TRPM2: variants seen among roughly 807,000 people sequenced by gnomAD.
TRPM2 encodes the protein estrogen-responsive element-associated gene 1 protein.
TRPM2 carries 161 observed loss-of-function variants against 174.0 expected under a neutral mutation model. That is an observed-to-expected ratio of 0.93 (90% CI 0.81 to 1.05). The LOEUF (loss-of-function observed/expected upper bound fraction) is 1.05. Ranked by LOEUF, TRPM2 falls within the 50% of genes least tolerant of loss-of-function variation. The probability of loss-of-function intolerance (pLI) is 0.00; values close to 1 mark genes in which losing one functional copy is unlikely to be tolerated. For missense variants in TRPM2, 2,057 were observed against 2,038.0 expected, an observed-to-expected ratio of 1.01 and a Z score of -0.18; for synonymous variants, 954 against 861.3, an observed-to-expected ratio of 1.11 and a Z score of -1.88.
intron 17 of TRPM2, 47 bp downstream of exon 17, chr21:44,405,307 C>T: frequency 6.2e-7 from 1 of 1,606,636 alleles, no homozygotes; most frequent in East Asian, 2.2e-5. Context: ...GCAGCCAGCC[C>T]TGCAGGGGAT....
chr21:44,426,561 C>A (rs781734256), intron 25 of TRPM2, 99 bp from the exon 26 acceptor site: 22 of 1,232,560 alleles, frequency 1.8e-5, no homozygotes, highest in Non-Finnish European at 2.6e-5. Flanking sequence ...ATGTTGGGGT[C>A]GGGTTCAGAC....
At chr21:44,365,779 C>T (rs1385031471) in intron 3 of TRPM2, among the ~76,000 whole-genome samples, 1 of 152,202 alleles carries the variant, frequency 6.6e-6, no homozygotes, top group African/African-American at 2.4e-5. Context: ...GACACAGACC[C>T]TGTACTGCAG....
chr21:44,405,689 C>T (rs1268994824), intron 17 of TRPM2, among the ~76,000 whole-genome samples: 2 of 152,172 alleles, frequency 1.3e-5, no homozygotes, highest in Non-Finnish European at 2.9e-5. Flanking sequence ...TGCCCCCATG[C>T]CAGGCTGCCC....
chr21:44,365,769 G>A (rs964340154), intron 3 of TRPM2, among the ~76,000 whole-genome samples: 1 of 152,170 alleles, frequency 6.6e-6, no homozygotes, highest in Admixed American at 6.5e-5. Flanking sequence ...GGACGCCAGG[G>A]ACACAGACCC....
chr21:44,440,970 G>A (rs904680621), intron 31 of TRPM2, 65 bp downstream of exon 31: 41 of 1,421,074 alleles, frequency 2.9e-5, no homozygotes, highest in African/African-American at 1.3e-4. Flanking sequence ...CGTGGCCTCC[G>A]GGGAGGGGGT....
rs1007145499 is a variant in TRPM2 at position 44,439,452 on chromosome 21, G to A, written c.4269+284G>A. Among the ~76,000 whole-genome samples, 3 of 151,992 alleles carry A rather than the reference G, an allele frequency of 2.0e-5. No homozygotes were observed. Among genetic ancestry groups the A allele is most frequent in the Admixed American group, 6.5e-5 (1 of 15,278 alleles). ...TGGGCTGAGGACCCTTGCTGCCTTC[G>A]AGTGTGACAGCTGCTTGGAGGCCTG... On this transcript the variant is annotated intron_variant, in intron 30 of 31. Coordinates refer to ENST00000397928, the MANE Select transcript of TRPM2 (RefSeq NM_003307.4). This position sits in a 1 kb window ranked among gnomAD's most constrained non-coding sequence, Gnocchi z 5.1.
intron 27 of TRPM2, among the ~76,000 whole-genome samples, chr21:44,428,115 C>T (rs1232808230): frequency 6.6e-6 from 1 of 152,122 alleles, no homozygotes; most frequent in Non-Finnish European, 1.5e-5. Context: ...CTGTATGCAC[C>T]ATGCTTCTGT....
chr21:44,362,348 C>CAAAAAAAACAAAAAAAAA (rs2048235286), intron 2 of TRPM2, among the ~76,000 whole-genome samples: 1 of 89,288 alleles, frequency 1.1e-5, no homozygotes, highest in African/African-American at 4.1e-5. Flanking sequence ...ACTAAAAATA[C>CAAAAAAAACAAAAAAAAA]AAAAAAAAAA....
intron 12 of TRPM2, among the ~76,000 whole-genome samples, chr21:44,397,448 A>C (rs1361508614): frequency 6.6e-6 from 1 of 152,188 alleles, no homozygotes; most frequent in Non-Finnish European, 1.5e-5. Flanking sequence ...CGCCCTCTGC[A>C]GCTCACACGG....
At chr21:44,373,580 T>G (rs2048605234) in intron 5 of TRPM2, among the ~76,000 whole-genome samples, 1 of 108,462 alleles carries the variant, frequency 9.2e-6, no homozygotes, top group Non-Finnish European at 2.2e-5. Context: ...ACCTGCATTA[T>G]ATGCGACCTG....
In TRPM2 at chr21:44,441,869, C is replaced by A. The variant is rs201580137; in HGVS notation, c.*52C>A. ...GTCCATAGACGTTCCCCCCAGAAACCAGGGCTTCTCTCTCCTGAGCCTGGC... is the reference window on the plus strand; with the variant it reads ...GTCCATAGACGTTCCCCCCAGAAACAAGGGCTTCTCTCTCCTGAGCCTGGC... On this transcript the variant is annotated 3_prime_UTR_variant, in exon 32 of 32. Transcript: ENST00000397928. The A allele has an allele frequency of 3.3e-6, 5 of 1,536,078 alleles. No individual in the cohort carries two copies. Among genetic ancestry groups the A allele is most frequent in the Middle Eastern group, 1.7e-4 (1 of 5,780 alleles).
chr21:44,397,714 CT>C, intron 12 of TRPM2, 32 bp from the exon 13 acceptor site: 1 of 1,527,954 alleles, frequency 6.5e-7, no homozygotes, highest in South Asian at 1.3e-5. Flanking sequence ...GAGCCTGGCT[CT>C]TTAGTCTCAC....
At chr21:44,370,729 T>C (rs1048728292) in intron 5 of TRPM2, among the ~76,000 whole-genome samples, 1 of 152,198 alleles carries the variant, frequency 6.6e-6, no homozygotes, top group African/African-American at 2.4e-5. Context: ...GTCAGAATCA[T>C]GAATGTGTCC....
intron 24 of TRPM2, 166 bp downstream of exon 24, chr21:44,425,105 C>G: frequency 3.2e-6 from 2 of 633,778 alleles, no homozygotes; most frequent in Non-Finnish European, 5.3e-6. Flanking sequence ...ACTCAGCCCA[C>G]CCACCGACGC....
At chr21:44,406,521 G>A in intron 18 of TRPM2, 73 bp from the exon 19 acceptor site, 2 of 1,507,398 alleles carry the variant, frequency 1.3e-6, no homozygotes, top group East Asian at 4.6e-5. Context: ...CTCCACCGCT[G>A]CTGGGCCTGC....
In TRPM2 at chr21:44,377,815, C is replaced by A. The variant is rs773974570; in HGVS notation, c.1014+42C>A. ...GGGAGGGGGCATGTGTGGGCCCGTC[C>A]TGCTGCAGGCAGATGACTGTCCAAA... On this transcript the variant is annotated intron_variant, in intron 7 of 31. Coordinates refer to ENST00000397928, the MANE Select transcript of TRPM2 (RefSeq NM_003307.4). The A allele has an allele frequency of 5.6e-6, 9 of 1,608,520 alleles. No individual in the cohort carries two copies. In the African/African-American group the frequency reaches 1.2e-4, roughly 21 times the overall value.
At chr21:44,401,068 C>G (rs565164343) in intron 15 of TRPM2, among the ~76,000 whole-genome samples, 1 of 152,292 alleles carries the variant, frequency 6.6e-6, no homozygotes, top group African/African-American at 2.4e-5. Flanking sequence ...GTTCAGGAAT[C>G]CTGGTGGGAA....
chr21:44,431,241 A>T lies in TRPM2; in HGVS notation c.3975-3890A>T, dbSNP rs376620404. Reference sequence around the variant, plus strand: ...AACCCTTAAATTTTGATGTGTAGGGATTTTATTTTTTACTTTATGAATTTC... The same window carrying T: ...AACCCTTAAATTTTGATGTGTAGGGTTTTTATTTTTTACTTTATGAATTTC... On this transcript the variant is annotated intron_variant, in intron 27 of 31. Transcript: ENST00000397928. Among the ~76,000 whole-genome samples the T allele has an allele frequency of 2.3e-4, 35 of 151,148 alleles. No homozygotes were observed. The East Asian group carries it at 6.8e-3, about 29-fold the overall frequency.
chr21:44,372,592 T>C (rs2048572430), intron 5 of TRPM2, among the ~76,000 whole-genome samples: 1 of 152,220 alleles, frequency 6.6e-6, no homozygotes. Context: ...GTCTGATCCA[T>C]TCTGGGGCAG....
Sources: allele counts gnomAD v4.1 joint callset (sites outside exome capture counted in the v4.1 genomes callset), GRCh38; gene constraint gnomAD v4.1.1; non-coding constraint Gnocchi (gnomAD v3.1); transcripts MANE v1.5; gene names NCBI Gene and HGNC (gene_info 2026-07-23, HGNC 2026-07-21).